Variants in FOXP2 observed in about 807,000 individuals in gnomAD.
FOXP2 encodes the protein forkhead box P2, also known as forkhead box protein P2.
Under a neutral mutation model 115.8 loss-of-function variants are expected in FOXP2, and 12 were observed. The ratio of observed to expected loss-of-function variants is 0.10; its 90% confidence interval spans 0.07 to 0.17. The LOEUF (loss-of-function observed/expected upper bound fraction) is 0.17. FOXP2 is among the 10% of genes least tolerant of loss of function. The probability of loss-of-function intolerance (pLI) is 1.00; values close to 1 mark genes in which losing one functional copy is unlikely to be tolerated. For missense variants in FOXP2, 629 were observed against 843.5 expected (o/e 0.75, Z 3.15); for synonymous variants, 328 against 297.7 (o/e 1.10, Z -1.05).
chr7:114,142,952 A>G (rs1460236330), intron 1 of FOXP2, among the ~76,000 whole-genome samples: 1 of 151,874 alleles, frequency 6.6e-6, no homozygotes, highest in Non-Finnish European at 1.5e-5. Context: ...TTTCAAGACC[A>G]CTTTTGGCAA....
chr7:114,651,042 T>C (rs573394404), intron 8 of FOXP2, among the ~76,000 whole-genome samples: 3 of 152,224 alleles, frequency 2.0e-5, no homozygotes, highest in Admixed American at 6.6e-5. Context: ...ATGTGTCTTA[T>C]ATTTTTTCTG....
At chr7:114,356,792 T>C (rs1414223913) in intron 2 of FOXP2, among the ~76,000 whole-genome samples, 1 of 152,192 alleles carries the variant, frequency 6.6e-6, no homozygotes, top group Non-Finnish European at 1.5e-5. Context: ...CCCTGGCTTT[T>C]GTAGATGTAG....
At chr7:114,243,043 C>T (rs1225643719) in intron 1 of FOXP2, among the ~76,000 whole-genome samples, 3 of 152,040 alleles carry the variant, frequency 2.0e-5, no homozygotes, top group Non-Finnish European at 4.4e-5. Flanking sequence ...ATTGGCCAGA[C>T]GTTGTGCCAG....
Position 114,360,366 on chromosome 7 carries a change from T to C in FOXP2, c.-10-66136T>C, listed in dbSNP as rs184678779. Among the ~76,000 whole-genome samples, 244 of 152,054 alleles carry C rather than the reference T, an allele frequency of 1.6e-3. 1 individual carries two copies. The highest frequency in any genetic ancestry group is 6.5e-3 in the Admixed American group (99 of 15,242). On this transcript the variant is annotated intron_variant, in intron 2 of 17. Coordinates refer to the FOXP2 transcript ENST00000634411. ...ATGGACTACTACATCCTTCCTTTTCTTTTTTTTCCCAACTTCACCTTCCTT... is the reference window on the plus strand; with the variant it reads ...ATGGACTACTACATCCTTCCTTTTCCTTTTTTTCCCAACTTCACCTTCCTT...
At chr7:114,220,071 A>G (rs1418768968) in intron 1 of FOXP2, among the ~76,000 whole-genome samples, 1 of 147,312 alleles carries the variant, frequency 6.8e-6, no homozygotes, top group Non-Finnish European at 1.5e-5. Context: ...GGGTTTCACC[A>G]TGTTGGCCAG....
chr7:114,605,020 G>A (rs1226126707), intron 3 of FOXP2, among the ~76,000 whole-genome samples: 1 of 152,138 alleles, frequency 6.6e-6, no homozygotes, highest in African/African-American at 2.4e-5. Context: ...AATGCCATTA[G>A]AAATGTGAAA....
intron 3 of FOXP2, among the ~76,000 whole-genome samples, chr7:114,607,684 A>G (rs1384475099): frequency 6.6e-6 from 1 of 152,186 alleles, no homozygotes; most frequent in Non-Finnish European, 1.5e-5. Context: ...AAATAATAAT[A>G]GGGAGAGAAT....
intron 2 of FOXP2, among the ~76,000 whole-genome samples, chr7:114,444,301 T>C (rs894974317): frequency 1.2e-4 from 18 of 152,118 alleles, no homozygotes; most frequent in Admixed American, 6.6e-5. Context: ...CTGAAAAACA[T>C]AGGACACTTA....
At chr7:114,261,838 A>T (rs1330741713) in intron 1 of FOXP2, among the ~76,000 whole-genome samples, 1 of 151,562 alleles carries the variant, frequency 6.6e-6, no homozygotes, top group African/African-American at 2.4e-5. Flanking sequence ...GTGTTTGAAT[A>T]ATTTGAGGTC....
rs949666416 is a variant in FOXP2 at position 114,667,553 on chromosome 7, A to T, written c.2003+3117A>T. ...TTTAGGCAATGAACAACTCAAATAG[A>T]ACAACACCAACCCAGAATCAGGGAC... On this transcript the variant is annotated intron_variant, in intron 16 of 16. Coordinates refer to ENST00000350908, the MANE Select transcript of FOXP2 (RefSeq NM_014491.4). 1.6e-4 allele frequency: 24 copies of T among 152,302 alleles called. 1 individual carries two copies. The highest frequency in any genetic ancestry group is 3.4e-3 in the Middle Eastern group (1 of 294). The allele number at this position is 152,302 out of a possible 1,614,324, so 9.4% of individuals were successfully genotyped here.
chr7:114,141,945 C>T (rs1792223218), intron 1 of FOXP2, among the ~76,000 whole-genome samples: 1 of 152,142 alleles, frequency 6.6e-6, no homozygotes, highest in East Asian at 1.9e-4. Context: ...ACAGGTTGGA[C>T]TTTTTGTTCT....
chr7:114,654,043 C>A (rs190627971), intron 10 of FOXP2, 34 bp downstream of exon 10: 11 of 1,612,674 alleles, frequency 6.8e-6, no homozygotes, highest in Non-Finnish European at 1.7e-6. Context: ...CAGTAAATAG[C>A]TCTACCAATG....
chr7:114,291,064 C>T (rs908087881), intron 2 of FOXP2, among the ~76,000 whole-genome samples: 4 of 152,096 alleles, frequency 2.6e-5, no homozygotes, highest in African/African-American at 9.7e-5. Flanking sequence ...TGAGTTAATT[C>T]TGTATCTTAG....
chr7:114,601,711 A>G (rs951498197), intron 3 of FOXP2, among the ~76,000 whole-genome samples: 1 of 152,036 alleles, frequency 6.6e-6, no homozygotes, highest in Non-Finnish European at 1.5e-5. Context: ...ATATATTTTA[A>G]TTTCAATTAT....
At position 114,423,175 on chromosome 7, in the gene FOXP2, C is replaced by A. The variant is rs184032779; in HGVS notation, c.-10-3327C>A. On this transcript the variant is annotated intron_variant, in intron 1 of 16. Coordinates refer to ENST00000350908, the MANE Select transcript of FOXP2 (RefSeq NM_014491.4). Reference sequence around the variant, plus strand: ...CATGCTTCACTCATTCTTGCGTAAACCTGCATAGCCACCATCCATTATACC... The same window carrying A: ...CATGCTTCACTCATTCTTGCGTAAAACTGCATAGCCACCATCCATTATACC... Among the ~76,000 whole-genome samples, 8 of 151,736 alleles carry A rather than the reference C, an allele frequency of 5.3e-5. No individual in the cohort carries two copies. In the Admixed American group the frequency reaches 5.3e-4, roughly 10 times the overall value.
intron 2 of FOXP2, among the ~76,000 whole-genome samples, chr7:114,373,431 T>C (rs1194336857): frequency 6.6e-6 from 1 of 152,178 alleles, no homozygotes; most frequent in Non-Finnish European, 1.5e-5. Context: ...CCACAAATGC[T>C]GACTGTGACA....
chr7:114,664,568 C>A, intron 16 of FOXP2, 132 bp downstream of exon 16: 2 of 1,059,590 alleles, frequency 1.9e-6, no homozygotes, highest in South Asian at 1.4e-5. Flanking sequence ...AATTATACCA[C>A]GTTCATAATA....
Position 114,483,545 on chromosome 7 carries a change from G to T in FOXP2, c.169-51072G>T, listed in dbSNP as rs76873835. 2.6e-4 allele frequency among the ~76,000 whole-genome samples: 40 copies of T among 151,712 alleles called. No homozygotes were observed. In the East Asian group the frequency reaches 7.7e-3, roughly 29 times the overall value. On this transcript the variant is annotated intron_variant, in intron 2 of 16. Coordinates refer to ENST00000350908, the MANE Select transcript of FOXP2 (RefSeq NM_014491.4). ...TCTTCATTCATATATCCCAACTCAA[G>T]ATGCATAATTACTCTGAATCCTGAC...
intron 3 of FOXP2, among the ~76,000 whole-genome samples, chr7:114,616,087 T>A (rs557733506): frequency 1.2e-4 from 19 of 152,218 alleles, no homozygotes; most frequent in Non-Finnish European, 1.9e-4. Context: ...ACCTTTTATG[T>A]CTTGTTCTTG....
Sources: allele counts gnomAD v4.1 joint callset (sites outside exome capture counted in the v4.1 genomes callset), GRCh38; gene constraint gnomAD v4.1.1; transcripts MANE v1.5; gene names NCBI Gene and HGNC (gene_info 2026-07-23, HGNC 2026-07-21).